FHDC1: variants seen among roughly 807,000 people sequenced by gnomAD.
FHDC1 encodes the protein FH2 domain containing 1.
Under a neutral mutation model 52.6 loss-of-function variants are expected in FHDC1, and 25 were observed. The ratio of observed to expected loss-of-function variants is 0.48; its 90% CI spans 0.35 to 0.66. The LOEUF is 0.66. FHDC1 is among the 30% of genes least tolerant of loss of function. The pLI is 0.01. For synonymous variants in FHDC1, 616 were observed against 581.5 expected (o/e 1.06, Z -0.85); for missense variants, 1,459 against 1,452.8 (o/e 1.00, Z -0.07).
intron 1 of FHDC1, among the ~76,000 whole-genome samples, chr4:152,940,606 G>C (rs539626631): frequency 6.6e-6 from 1 of 152,130 alleles, no homozygotes; most frequent in Non-Finnish European, 1.5e-5. Context: ...GTTTAGTGGC[G>C]CATCTGTCCA....
chr4:152,937,479 AG>A (rs1407654231), intron 1 of FHDC1, among the ~76,000 whole-genome samples: 4 of 151,116 alleles, frequency 2.6e-5, no homozygotes, highest in African/African-American at 4.9e-5. Context: ...CCCCTCGGGG[AG>A]GGGGGCGGGG....
At position 152,974,712 on chromosome 4, in the gene FHDC1, T is replaced by TGCAGAGGCTGAAGGAGCAGGA; in HGVS notation, c.1427_1447dup (p.Arg476_Gln482dup). 1 of 1,513,422 alleles carries TGCAGAGGCTGAAGGAGCAGGA rather than the reference T, an allele frequency of 6.6e-7. No homozygotes were observed. Among genetic ancestry groups the TGCAGAGGCTGAAGGAGCAGGA allele is most frequent in the Non-Finnish European group, 8.8e-7 (1 of 1,131,134 alleles). 93.7% of individuals were successfully genotyped at this position (1,513,422 alleles called of 1,614,324 possible). A position where few individuals can be genotyped will look rare whatever the true frequency, so the allele number is the denominator to read the frequency against. ...CGGGAGGCGCAGGAGCTGAGGCAGC[T>TGCAGAGGCTGAAGGAGCAGGA]GCAGAGGCTGAAGGAGCAGGAGCAG... On this transcript the variant is annotated inframe_insertion, in exon 12 of 12. Coordinates refer to ENST00000511601, the MANE Select transcript of FHDC1 (RefSeq NM_001371116.1).
chr4:152,959,468 T>C (rs557759763), intron 4 of FHDC1, among the ~76,000 whole-genome samples: 1 of 152,372 alleles, frequency 6.6e-6, no homozygotes, highest in South Asian at 2.1e-4. Context: ...CTTAGTTTAG[T>C]TTATTTTTTA....
chr4:152,929,555 G>A, the FHDC1 span, among the ~76,000 whole-genome samples: 1 of 152,156 alleles, frequency 6.6e-6, no homozygotes, highest in Non-Finnish European at 1.5e-5. The surrounding 1 kb of genome is among the most constrained non-coding windows in gnomAD (Gnocchi z 4.1). Flanking sequence ...TGGGGGTCCC[G>A]AGATTTACTT....
chr4:152,965,470 G>C (rs1740429322), intron 9 of FHDC1, among the ~76,000 whole-genome samples: 1 of 152,192 alleles, frequency 6.6e-6, no homozygotes, highest in South Asian at 2.1e-4. Context: ...TACAGAGAAA[G>C]TATCTGCCAA....
the FHDC1 span, among the ~76,000 whole-genome samples, chr4:152,923,128 TCTC>T: frequency 1.3e-5 from 2 of 152,090 alleles, no homozygotes; most frequent in African/African-American, 2.4e-5. Flanking sequence ...CAGCCCAAAA[TCTC>T]CTTAAGCTGA....
upstream of FHDC1, among the ~76,000 whole-genome samples, chr4:152,933,460 C>T (rs139753671): frequency 4.5e-3 from 687 of 152,132 alleles, 12 homozygotes; most frequent in Admixed American, 0.025. Context: ...GTAGGCCAGG[C>T]GTGGTGGCTT....
At chr4:152,955,319 A>C (rs918283672) in intron 4 of FHDC1, among the ~76,000 whole-genome samples, 17 of 152,204 alleles carry the variant, frequency 1.1e-4, no homozygotes, top group Non-Finnish European at 5.9e-5. Context: ...GATAGAAAAA[A>C]AACCCAGAAA....
intron 1 of FHDC1, among the ~76,000 whole-genome samples, chr4:152,941,121 A>G (rs190749645): frequency 5.6e-4 from 85 of 152,350 alleles, no homozygotes; most frequent in Non-Finnish European, 1.1e-3. Context: ...TATCCAATTA[A>G]TAGCTGGAGA....
At position 152,972,434 on chromosome 4, in the gene FHDC1, G is replaced by A. The variant is rs1740666508; in HGVS notation, c.1276G>A (p.Ala426Thr). ...ECWKQELQDE[A>T]YTLIDFFCED... ...CTGGAAACAAGAGCTCCAGGATGAG[G>A]CCTACACCCTTATAGATTTTTTCTG... The change falls in exon 11 of 12, where the codon GCC becomes ACC. Residue 426 changes from alanine (A) to threonine (T), a missense_variant. By Grantham distance (58) the Ala-to-Thr change is moderately conservative. This residue lies in a region of FHDC1 where 513 missense variants were observed against 581.5 expected (regional missense o/e 0.88). Coordinates refer to ENST00000511601, the MANE Select transcript of FHDC1 (RefSeq NM_001371116.1). 6.2e-7 allele frequency: 1 copy of A among 1,613,630 alleles called. No individual in the cohort carries two copies.
Position 152,968,172 on chromosome 4 carries a change from G to A in FHDC1, c.1218+75G>A, listed in dbSNP as rs1245363434. The A allele has an allele frequency of 5.8e-6, 6 of 1,029,480 alleles. 1 individual carries two copies. In the East Asian group the frequency reaches 9.8e-5, roughly 17 times the overall value. The allele number at this position is 1,029,480 out of a possible 1,614,324, so 63.8% of individuals were successfully genotyped here. On this transcript the variant is annotated intron_variant, in intron 10 of 11. Transcript: ENST00000511601. Reference sequence around the variant, plus strand: ...CCCCGGGGCTGGTTAAATTTGCATGGGTGTATTTGTGGAAGCAGCAGTTCC... The same window carrying A: ...CCCCGGGGCTGGTTAAATTTGCATGAGTGTATTTGTGGAAGCAGCAGTTCC...
At chr4:152,947,115 A>G (rs1181213937) in intron 2 of FHDC1, among the ~76,000 whole-genome samples, 1 of 151,612 alleles carries the variant, frequency 6.6e-6, no homozygotes, top group Non-Finnish European at 1.5e-5. Flanking sequence ...GCTACTCAGG[A>G]GGCTGAGGGA....
the FHDC1 span, chr4:152,927,989 C>A: frequency 6.7e-7 from 1 of 1,481,746 alleles, no homozygotes; most frequent in Non-Finnish European, 9.4e-7. Context: ...TGACAAGAAT[C>A]AAGAGCCCTC....
the FHDC1 span, chr4:152,911,420 G>A: frequency 1.3e-5 from 2 of 152,344 alleles, no homozygotes; most frequent in African/African-American, 2.4e-5. Flanking sequence ...CAGGAAGAAA[G>A]AGGATTGGAA....
chr4:152,967,891 G>C, intron 9 of FHDC1, 89 bp from the exon 10 acceptor site: 1 of 918,312 alleles, frequency 1.1e-6, no homozygotes, highest in Admixed American at 2.3e-5. Context: ...CTGTTTCCAA[G>C]GTTGAACAAC....
chr4:152,950,229 A>T (rs1221563178), intron 2 of FHDC1, among the ~76,000 whole-genome samples: 1 of 152,192 alleles, frequency 6.6e-6, no homozygotes, highest in Non-Finnish European at 1.5e-5. Context: ...TTGAGAGAGC[A>T]AGCATTTGGG....
the FHDC1 span, among the ~76,000 whole-genome samples, chr4:152,923,396 G>A: frequency 6.6e-6 from 1 of 152,124 alleles, no homozygotes; most frequent in Non-Finnish European, 1.5e-5. Flanking sequence ...ATGCTCATGG[G>A]TAGGAAGAAT....
At chr4:152,933,729 C>CAAAA (rs70949623), upstream of FHDC1, among the ~76,000 whole-genome samples, 1,957 of 60,680 alleles carry the variant, frequency 0.032, 40 homozygotes, top group South Asian at 0.069. Flanking sequence ...GACCCCGTCT[C>CAAAA]AAAAAAAAAA....
upstream of FHDC1, among the ~76,000 whole-genome samples, chr4:152,932,084 C>T (rs1739263522): frequency 6.6e-6 from 1 of 151,712 alleles, no homozygotes; most frequent in Admixed American, 6.6e-5. Context: ...ATTTCTTAGC[C>T]TTCAAAAATG....
Sources: allele counts gnomAD v4.1 joint callset (sites outside exome capture counted in the v4.1 genomes callset), GRCh38; gene constraint gnomAD v4.1.1; regional missense constraint gnomAD v4.1.1; non-coding constraint Gnocchi (gnomAD v3.1); transcripts MANE v1.5; gene names NCBI Gene and HGNC (gene_info 2026-07-23, HGNC 2026-07-21).